Variants in RERG observed in about 807,000 individuals in gnomAD.
RERG encodes ras-related and estrogen-regulated growth inhibitor.
A neutral mutation model predicts 23.2 loss-of-function variants in RERG; 25 were observed. That is an observed-to-expected ratio of 1.08 (90% confidence interval 0.79 to 1.50). The LOEUF is 1.50. Ranked by LOEUF, RERG falls within the 40% of genes most tolerant of loss-of-function variation. The probability of loss-of-function intolerance (pLI) is 0.00; values close to 1 mark genes in which losing one functional copy is unlikely to be tolerated. For synonymous variants in RERG, 81 were observed against 89.1 expected (o/e 0.91, Z 0.51); for missense variants, 253 against 250.1 (o/e 1.01, Z -0.08).
At chr12:15,165,044 G>C (rs1864667290) in intron 2 of RERG, among the ~76,000 whole-genome samples, 1 of 152,190 alleles carries the variant, frequency 6.6e-6, no homozygotes, top group African/African-American at 2.4e-5. Context: ...AGAGCTAAAT[G>C]AAGAGTAGGA....
intron 1 of RERG, among the ~76,000 whole-genome samples, chr12:15,220,378 G>A (rs1277909879): frequency 6.6e-6 from 1 of 152,040 alleles, no homozygotes; most frequent in Non-Finnish European, 1.5e-5. Context: ...AAAGGAAAAA[G>A]GAAAAACGCT....
chr12:15,118,824 T>C (rs1461572476), intron 3 of RERG, among the ~76,000 whole-genome samples: 1 of 152,082 alleles, frequency 6.6e-6, no homozygotes, highest in Non-Finnish European at 1.5e-5. Context: ...CCACGCTTCC[T>C]GTACAGCCTG....
intron 3 of RERG, among the ~76,000 whole-genome samples, chr12:15,112,167 A>T (rs929045695): frequency 5.9e-5 from 9 of 152,332 alleles, no homozygotes; most frequent in African/African-American, 2.2e-4. Flanking sequence ...TACCAACAGA[A>T]GCTACTAATT....
At chr12:15,203,040 G>T (rs1051798055) in intron 2 of RERG, among the ~76,000 whole-genome samples, 8 of 151,616 alleles carry the variant, frequency 5.3e-5, no homozygotes, top group Non-Finnish European at 1.0e-4. Flanking sequence ...TTGCAGTTTT[G>T]ATTTGCATTG....
chr12:15,190,968 A>G (rs1453016506), intron 2 of RERG, among the ~76,000 whole-genome samples: 1 of 152,144 alleles, frequency 6.6e-6, no homozygotes, highest in Non-Finnish European at 1.5e-5. Context: ...AAGTTGTGAG[A>G]TTAAGGTTTC....
intron 2 of RERG, among the ~76,000 whole-genome samples, chr12:15,179,733 T>G (rs1344839766): frequency 1.3e-5 from 2 of 152,174 alleles, no homozygotes; most frequent in African/African-American, 4.8e-5. Context: ...AACAGAGTGA[T>G]TCACTGTTTT....
At chr12:15,192,669 T>C (rs990751273) in intron 2 of RERG, among the ~76,000 whole-genome samples, 18 of 152,170 alleles carry the variant, frequency 1.2e-4, no homozygotes, top group Non-Finnish European at 2.1e-4. Context: ...ATGCTGTTTT[T>C]TTCTCTTTCC....
intron 2 of RERG, among the ~76,000 whole-genome samples, chr12:15,126,537 T>C (rs1343011013): frequency 6.6e-6 from 1 of 152,032 alleles, no homozygotes; most frequent in East Asian, 1.9e-4. Flanking sequence ...ATTTGGAGTG[T>C]TCCATAAATA....
intron 2 of RERG, among the ~76,000 whole-genome samples, chr12:15,185,016 T>C (rs905410821): frequency 2.0e-5 from 3 of 152,160 alleles, no homozygotes; most frequent in African/African-American, 7.2e-5. Flanking sequence ...ATAGCCTCAA[T>C]ATGATTCCCC....
At chr12:15,208,155 T>C (rs1025726881) in intron 2 of RERG, among the ~76,000 whole-genome samples, 3 of 152,140 alleles carry the variant, frequency 2.0e-5, no homozygotes, top group African/African-American at 7.2e-5. Flanking sequence ...TGCAACATTA[T>C]CTCCTGCCTG....
chr12:15,140,257 T>G (rs1355414304), intron 2 of RERG, among the ~76,000 whole-genome samples: 1 of 152,094 alleles, frequency 6.6e-6, no homozygotes, highest in African/African-American at 2.4e-5. Flanking sequence ...TCTCTCACTC[T>G]TTTTCTCCCA....
intron 2 of RERG, among the ~76,000 whole-genome samples, chr12:15,158,563 T>G (rs1864557096): frequency 1.3e-5 from 2 of 152,184 alleles, no homozygotes; most frequent in Admixed American, 1.3e-4. Context: ...ATTACAAGTG[T>G]GAACCATTGT....
At chr12:15,138,551 G>A (rs979585600) in intron 2 of RERG, among the ~76,000 whole-genome samples, 2 of 151,910 alleles carry the variant, frequency 1.3e-5, no homozygotes, top group Admixed American at 6.6e-5. Context: ...TTCTTTAGAG[G>A]TCTTTCTTAG....
chr12:15,197,473 G>A (rs572323232), intron 2 of RERG, among the ~76,000 whole-genome samples: 14 of 152,252 alleles, frequency 9.2e-5, no homozygotes, highest in African/African-American at 3.4e-4. Context: ...TCAGGTACCA[G>A]CTCTGCCACT....
intron 2 of RERG, among the ~76,000 whole-genome samples, chr12:15,132,739 T>C (rs77174288): frequency 0.044 from 6,726 of 152,192 alleles, 501 homozygotes; most frequent in African/African-American, 0.15. Context: ...TGGATTTTAG[T>C]CATTCTAATA....
chr12:15,214,818 G>A (rs1422564178), intron 2 of RERG, among the ~76,000 whole-genome samples: 2 of 152,158 alleles, frequency 1.3e-5, no homozygotes, highest in Non-Finnish European at 2.9e-5. Flanking sequence ...CTGCACTCCA[G>A]CCTGAGCGAC....
intron 2 of RERG, among the ~76,000 whole-genome samples, chr12:15,146,435 T>C (rs982578962): frequency 2.0e-5 from 3 of 152,210 alleles, no homozygotes; most frequent in East Asian, 1.9e-4. Context: ...AACTTCTGAT[T>C]TGCATGATAA....
At chr12:15,180,755 C>T (rs1864912993) in intron 2 of RERG, among the ~76,000 whole-genome samples, 1 of 152,150 alleles carries the variant, frequency 6.6e-6, no homozygotes. Flanking sequence ...ATCTGTCAGC[C>T]CCACTCACAG....
At chr12:15,123,655 C>T (rs115773459) in intron 2 of RERG, among the ~76,000 whole-genome samples, 2,267 of 135,330 alleles carry the variant, frequency 0.017, 55 homozygotes, top group African/African-American at 0.058. Flanking sequence ...AAGTTTATTA[C>T]ATTATTAATA....
Sources: gnomAD v4.1 joint callset for allele counts (sites outside exome capture counted in the v4.1 genomes callset) on GRCh38, gnomAD v4.1.1 for gene constraint, MANE v1.5 for transcripts, NCBI Gene and HGNC (gene_info 2026-07-23, HGNC 2026-07-21) for gene names.